Variants in EXOC4 observed in about 807,000 individuals in gnomAD.
The protein encoded by EXOC4 is SEC8-like 1.
EXOC4 carries 71 observed loss-of-function variants against 107.2 expected under a neutral mutation model. The observed-to-expected ratio is 0.66, with a 90% CI of 0.55 to 0.81. EXOC4 has a LOEUF of 0.81. Ranked by LOEUF, EXOC4 falls within the 30% of genes least tolerant of loss-of-function variation. The probability of loss-of-function intolerance (pLI) is 0.00; values close to 1 mark genes in which losing one functional copy is unlikely to be tolerated. For missense variants in EXOC4, 1,108 were observed against 1,189.6 expected (o/e 0.93, Z 1.01); for synonymous variants, 456 against 441.2 (o/e 1.03, Z -0.42).
At chr7:133,295,763 A>G (rs1408761485) in intron 3 of EXOC4, among the ~76,000 whole-genome samples, 1 of 152,158 alleles carries the variant, frequency 6.6e-6, no homozygotes, top group Non-Finnish European at 1.5e-5. Context: ...CTGAGAAATG[A>G]TTAATGTGCA....
intron 7 of EXOC4, among the ~76,000 whole-genome samples, chr7:133,433,068 A>G (rs1326089763): frequency 1.3e-5 from 2 of 152,216 alleles, no homozygotes; most frequent in African/African-American, 2.4e-5. Flanking sequence ...TTCGAATGGT[A>G]GTAGTATCAA....
chr7:133,724,054 T>C (rs1313033222), intron 10 of EXOC4, among the ~76,000 whole-genome samples: 1 of 152,236 alleles, frequency 6.6e-6, no homozygotes, highest in Non-Finnish European at 1.5e-5. Context: ...CAGGCCAGTT[T>C]AACTTATGTG....
In EXOC4 at chr7:133,792,026, G is replaced by A. The variant is rs924673667; in HGVS notation, c.1515-25299G>A. Among the ~76,000 whole-genome samples the A allele has an allele frequency of 3.3e-5, 5 of 152,220 alleles. No individual in the cohort carries two copies. The South Asian group carries it at 1.0e-3, about 32-fold the overall frequency. On this transcript the variant is annotated intron_variant, in intron 10 of 17. Coordinates refer to ENST00000253861, the MANE Select transcript of EXOC4 (RefSeq NM_021807.4). ...TGGTTTAGGGGTTTAGGGGGTTACA[G>A]GTACCTTTGAGAATCTGATGACAGC...
the EXOC4 span, among the ~76,000 whole-genome samples, chr7:134,086,055 G>A: frequency 6.6e-6 from 1 of 152,158 alleles, no homozygotes; most frequent in African/African-American, 2.4e-5. Flanking sequence ...CTTGGCTAAG[G>A]CTAGAGACTT....
chr7:133,936,692 C>G (rs1478377319), intron 13 of EXOC4, among the ~76,000 whole-genome samples: 5 of 152,046 alleles, frequency 3.3e-5, no homozygotes, highest in Non-Finnish European at 5.9e-5. Flanking sequence ...GAGTCTCATG[C>G]TCTGTTGCCC....
intron 12 of EXOC4, among the ~76,000 whole-genome samples, chr7:133,897,091 T>C (rs997471870): frequency 3.3e-5 from 5 of 150,902 alleles, no homozygotes; most frequent in Non-Finnish European, 7.4e-5. Flanking sequence ...CATAAAAAAA[T>C]AACATTCTGA....
At chr7:133,328,190 C>T (rs1418775438) in intron 5 of EXOC4, among the ~76,000 whole-genome samples, 1 of 151,098 alleles carries the variant, frequency 6.6e-6, no homozygotes, top group African/African-American at 2.4e-5. Context: ...ATGTACTGGC[C>T]TTGTCTCTTT....
At chr7:133,713,995 A>G (rs1377332758) in intron 10 of EXOC4, among the ~76,000 whole-genome samples, 2 of 152,200 alleles carry the variant, frequency 1.3e-5, no homozygotes, top group African/African-American at 4.8e-5. Flanking sequence ...AAGCTGAGAC[A>G]TAGAAATATG....
chr7:133,464,810 GGTT>G (rs1798683160), intron 7 of EXOC4, among the ~76,000 whole-genome samples: 11 of 105,686 alleles, frequency 1.0e-4, no homozygotes, highest in African/African-American at 4.0e-4. Flanking sequence ...TGGTTGGGTT[GGTT>G]TTTTTTTTTT....
intron 14 of EXOC4, among the ~76,000 whole-genome samples, chr7:133,952,716 G>C (rs140418123): frequency 3.9e-4 from 59 of 152,166 alleles, no homozygotes; most frequent in Middle Eastern, 6.8e-3. Context: ...GACTACTCTA[G>C]GTGGCCCATA....
At chr7:133,679,991 A>AT (rs1333657407) in intron 10 of EXOC4, among the ~76,000 whole-genome samples, 2 of 151,950 alleles carry the variant, frequency 1.3e-5, no homozygotes, top group African/African-American at 2.4e-5. Flanking sequence ...CATGCTTTTA[A>AT]TTTTTTTTAT....
At chr7:133,608,727 T>C (rs1802010638) in intron 9 of EXOC4, among the ~76,000 whole-genome samples, 1 of 151,844 alleles carries the variant, frequency 6.6e-6, no homozygotes, top group African/African-American at 2.4e-5. Flanking sequence ...TTTTCTATTT[T>C]TAGTAGAGAC....
Position 133,289,127 on chromosome 7 carries a change from A to G in EXOC4, c.471+11A>G. On this transcript the variant is annotated intron_variant, in intron 3 of 17. Coordinates refer to ENST00000253861, the MANE Select transcript of EXOC4 (RefSeq NM_021807.4). ...GCCACTGACATGTTGGTAAGAGAACAGCCTGTGCTAAGGGTCATTTTTGTT... is the reference window on the plus strand; with the variant it reads ...GCCACTGACATGTTGGTAAGAGAACGGCCTGTGCTAAGGGTCATTTTTGTT... 9 of 1,612,664 alleles carry G rather than the reference A, an allele frequency of 5.6e-6. No individual in the cohort carries two copies. Among genetic ancestry groups the G allele is most frequent in the Non-Finnish European group, 7.6e-6 (9 of 1,178,950 alleles).
chr7:133,809,868 T>C (rs751338096), intron 10 of EXOC4, among the ~76,000 whole-genome samples: 3 of 152,208 alleles, frequency 2.0e-5, no homozygotes, highest in Non-Finnish European at 4.4e-5. Flanking sequence ...GAATTACTTG[T>C]GCTCTAAAAC....
chr7:133,383,102 A>G (rs568083093), intron 7 of EXOC4, among the ~76,000 whole-genome samples: 1 of 152,284 alleles, frequency 6.6e-6, no homozygotes, highest in Non-Finnish European at 1.5e-5. Flanking sequence ...AATGACACCT[A>G]CTTGGTGACA....
At chr7:133,500,870 C>T (rs1225115563) in intron 9 of EXOC4, among the ~76,000 whole-genome samples, 3 of 152,230 alleles carry the variant, frequency 2.0e-5, no homozygotes, top group Admixed American at 1.3e-4. Flanking sequence ...GGAGGCCACA[C>T]AAATGTGGAT....
intron 17 of EXOC4, among the ~76,000 whole-genome samples, chr7:134,025,523 C>T (rs924322631): frequency 6.6e-6 from 1 of 152,190 alleles, no homozygotes; most frequent in South Asian, 2.1e-4. Context: ...CTCTGGACTG[C>T]CTTGGGTTCT....
At chr7:133,880,816 AT>A (rs1275197738) in intron 11 of EXOC4, among the ~76,000 whole-genome samples, 1 of 152,226 alleles carries the variant, frequency 6.6e-6, no homozygotes, top group African/African-American at 2.4e-5. Context: ...AATGTTAAAA[AT>A]ATATATTATT....
intron 7 of EXOC4, among the ~76,000 whole-genome samples, chr7:133,398,591 T>A (rs1797022797): frequency 6.6e-6 from 1 of 152,242 alleles, no homozygotes; most frequent in African/African-American, 2.4e-5. Flanking sequence ...TTCATTTTAA[T>A]AACTTTCCTT....
Sources: allele counts gnomAD v4.1 joint callset (sites outside exome capture counted in the v4.1 genomes callset), GRCh38; gene constraint gnomAD v4.1.1; transcripts MANE v1.5; gene names NCBI Gene and HGNC (gene_info 2026-07-23, HGNC 2026-07-21).